CSMD3: variants seen among roughly 807,000 people sequenced by gnomAD.
The protein encoded by CSMD3 is CUB and sushi domain-containing protein 3.
A neutral mutation model predicts 435.2 loss-of-function variants in CSMD3; 177 were observed. That is an observed-to-expected ratio of 0.41 (90% CI 0.36 to 0.46). CSMD3 has a LOEUF of 0.46. Among genes scored for constraint, CSMD3 ranks in the 20% least tolerant of loss-of-function variants. CSMD3 has a pLI of 0.34. For synonymous variants in CSMD3, 1,656 were observed against 1,520.5 expected (o/e 1.09, Z -2.07); for missense variants, 4,265 against 4,504.6 (o/e 0.95, Z 1.52).
At chr8:112,793,277 A>G (rs922084375) in intron 13 of CSMD3, among the ~76,000 whole-genome samples, 5 of 149,808 alleles carry the variant, frequency 3.3e-5, no homozygotes, top group Non-Finnish European at 7.4e-5. Flanking sequence ...TGATGAATAT[A>G]TACTGGTAGC....
At chr8:112,497,355 C>A (rs2219002) in intron 30 of CSMD3, among the ~76,000 whole-genome samples, 39,407 of 151,430 alleles carry the variant, frequency 0.26, 5,281 homozygotes, top group East Asian at 0.38. Context: ...TAACTAAAAG[C>A]GTATAATTGG....
At chr8:112,985,806 C>T (rs1292775686) in intron 6 of CSMD3, among the ~76,000 whole-genome samples, 1 of 152,122 alleles carries the variant, frequency 6.6e-6, no homozygotes, top group Admixed American at 6.6e-5. Context: ...CAGTGTCTAC[C>T]ATCACCCCCA....
intron 59 of CSMD3, among the ~76,000 whole-genome samples, chr8:112,271,825 G>GT (rs1457851881): frequency 6.6e-6 from 1 of 152,144 alleles, no homozygotes; most frequent in Non-Finnish European, 1.5e-5. Context: ...TAAAGGCTTT[G>GT]TTTCTTTAGT....
intron 18 of CSMD3, among the ~76,000 whole-genome samples, chr8:112,652,015 C>G (rs188390240): frequency 6.6e-6 from 1 of 152,236 alleles, no homozygotes; most frequent in East Asian, 1.9e-4. Flanking sequence ...GCATGTTTTT[C>G]AGTATCTTTC....
chr8:113,210,919 CA>C (rs1471462990), intron 3 of CSMD3, among the ~76,000 whole-genome samples: 4 of 151,520 alleles, frequency 2.6e-5, no homozygotes, highest in African/African-American at 9.7e-5. Context: ...ATAACTTGAC[CA>C]AGACTACACA....
intron 30 of CSMD3, among the ~76,000 whole-genome samples, chr8:112,493,620 T>G (rs1820922034): frequency 6.6e-6 from 1 of 152,084 alleles, no homozygotes. Flanking sequence ...AAACTAGAGG[T>G]AACAGACAGA....
chr8:113,131,253 G>C (rs2091276238), intron 4 of CSMD3, among the ~76,000 whole-genome samples: 1 of 151,944 alleles, frequency 6.6e-6, no homozygotes, highest in African/African-American at 2.4e-5. Flanking sequence ...AACACAAGGG[G>C]GAAAATATCC....
intron 40 of CSMD3, among the ~76,000 whole-genome samples, chr8:112,349,227 C>T (rs947483511): frequency 9.9e-5 from 15 of 151,966 alleles, no homozygotes; most frequent in Non-Finnish European, 1.2e-4. Flanking sequence ...AGTAATTGCA[C>T]AAATTAGACA....
intron 4 of CSMD3, among the ~76,000 whole-genome samples, chr8:113,168,003 A>G (rs1384168073): frequency 6.6e-6 from 1 of 152,144 alleles, no homozygotes; most frequent in Non-Finnish European, 1.5e-5. Flanking sequence ...ACTCAGTCAA[A>G]CCGTCAATGC....
chr8:112,787,879 A>G (rs1407736128), intron 13 of CSMD3, among the ~76,000 whole-genome samples: 1 of 152,160 alleles, frequency 6.6e-6, no homozygotes, highest in Non-Finnish European at 1.5e-5. Context: ...TCTTGTATTT[A>G]ATAGCAGAAC....
chr8:112,436,278 A>G (rs1814337242), intron 32 of CSMD3, among the ~76,000 whole-genome samples: 1 of 151,956 alleles, frequency 6.6e-6, no homozygotes, highest in African/African-American at 2.4e-5. Flanking sequence ...TGTATATTAA[A>G]GTAAATATAA....
chr8:112,658,500 T>C (rs771088639), intron 17 of CSMD3, among the ~76,000 whole-genome samples: 6 of 152,224 alleles, frequency 3.9e-5, no homozygotes, highest in Non-Finnish European at 8.8e-5. Flanking sequence ...CTGCCTCCTA[T>C]TAATCAGTAA....
intron 5 of CSMD3, among the ~76,000 whole-genome samples, chr8:113,064,356 T>G (rs911897130): frequency 3.9e-5 from 6 of 152,148 alleles, no homozygotes; most frequent in African/African-American, 7.2e-5. Flanking sequence ...TTAAAATATA[T>G]AGAGAGAGAT....
At chr8:112,663,624 C>T (rs1279643440) in intron 17 of CSMD3, among the ~76,000 whole-genome samples, 1 of 150,660 alleles carries the variant, frequency 6.6e-6, no homozygotes, top group African/African-American at 2.5e-5. Flanking sequence ...TACCCTAAAA[C>T]TTAAAGTATA....
intron 27 of CSMD3, among the ~76,000 whole-genome samples, chr8:112,531,411 G>T (rs368502830): frequency 1.3e-5 from 2 of 152,290 alleles, no homozygotes; most frequent in East Asian, 3.9e-4. Context: ...CCTCAGTGCT[G>T]TGCTGGTCTG....
At chr8:112,919,228 A>G (rs1219186705) in intron 10 of CSMD3, among the ~76,000 whole-genome samples, 1 of 151,796 alleles carries the variant, frequency 6.6e-6, no homozygotes, top group African/African-American at 2.4e-5. Flanking sequence ...ATATGAATAC[A>G]TATGTTATAT....
At chr8:112,370,017 A>AGAAGAGGAAGAG (rs1554658400) in intron 38 of CSMD3, among the ~76,000 whole-genome samples, 2 of 59,514 alleles carry the variant, frequency 3.4e-5, no homozygotes, top group African/African-American at 7.9e-5. Flanking sequence ...AAGAGGAAGA[A>AGAAGAGGAAGAG]GAAGAGGAAG....
chr8:112,386,307 G>T (rs1385120596), intron 36 of CSMD3, among the ~76,000 whole-genome samples: 1 of 152,206 alleles, frequency 6.6e-6, no homozygotes, highest in East Asian at 1.9e-4. Flanking sequence ...AGCAGCCAGA[G>T]AGATGTAATA....
At chr8:112,596,494 C>T (rs954136575) in intron 22 of CSMD3, among the ~76,000 whole-genome samples, 65 of 152,244 alleles carry the variant, frequency 4.3e-4, no homozygotes, top group African/African-American at 1.5e-3. Context: ...AGGAATTGAA[C>T]TCAGCTCTGC....
Sources: gnomAD v4.1 joint callset for allele counts (sites outside exome capture counted in the v4.1 genomes callset) on GRCh38, gnomAD v4.1.1 for gene constraint, MANE v1.5 for transcripts, NCBI Gene and HGNC (gene_info 2026-07-23, HGNC 2026-07-21) for gene names.